The following BTD variants were observed in gnomAD, a reference collection of about 807,000 sequenced individuals.
The protein encoded by BTD is biotinidase, also known as biocytinase.
A neutral mutation model predicts 17.7 loss-of-function variants in BTD; 13 were observed. The observed-to-expected ratio is 0.74, with a 90% CI of 0.48 to 1.17. BTD has a LOEUF of 1.17. Ranked by LOEUF, BTD falls within the 50% of genes most tolerant of loss-of-function variation. The pLI, the probability that BTD is intolerant of heterozygous loss-of-function variation, is 0.00. For synonymous variants in BTD, 240 were observed against 245.2 expected (o/e 0.98, Z 0.20); for missense variants, 674 against 650.4 (o/e 1.04, Z -0.39).
chr3:15,618,512 A>G (rs892756545), intron 1 of BTD, among the ~76,000 whole-genome samples: 1 of 152,134 alleles, frequency 6.6e-6, no homozygotes, highest in African/African-American at 2.4e-5. Flanking sequence ...TATAAATAGT[A>G]TTATGGTTTT....
rs1284719018 is a variant in BTD at position 15,651,444 on chromosome 3, C to G, written c.*5956C>G. On this transcript the variant is annotated 3_prime_UTR_variant, in exon 4 of 4. Coordinates refer to ENST00000643237, the MANE Select transcript of BTD (RefSeq NM_001370658.1). ...TAATGCACTACCCAGCGGCCAGCGACAGCAGGAGCTATGAGCACCCCAGGC... is the reference window on the plus strand; with the variant it reads ...TAATGCACTACCCAGCGGCCAGCGAGAGCAGGAGCTATGAGCACCCCAGGC... 6.6e-6 allele frequency among the ~76,000 whole-genome samples: 1 copy of G among 152,194 alleles called. No individual in the cohort carries two copies. The highest frequency in any genetic ancestry group is 1.5e-5 in the Non-Finnish European group (1 of 68,028).
exon 4 of BTD, chr3:15,711,342 A>G: frequency 2.2e-6 from 3 of 1,350,550 alleles, no homozygotes; most frequent in Non-Finnish European, 3.2e-6. Context: ...GTGTCATGAA[A>G]CATCAAGAAT....
At chr3:15,673,828 G>A (rs1345252220) in intron 3 of BTD, among the ~76,000 whole-genome samples, 2 of 152,068 alleles carry the variant, frequency 1.3e-5, no homozygotes, top group Non-Finnish European at 2.9e-5. Flanking sequence ...AGAGAAAGGA[G>A]AAGAGTAGGA....
chr3:15,601,487 C>G, upstream of BTD: 1 of 1,611,428 alleles, frequency 6.2e-7, no homozygotes, highest in South Asian at 1.1e-5. Context: ...GCTCTAAGCA[C>G]TCACGCAGCC....
chr3:15,683,247 G>A (rs2067729887), intron 3 of BTD, among the ~76,000 whole-genome samples: 1 of 152,080 alleles, frequency 6.6e-6, no homozygotes, highest in Non-Finnish European at 1.5e-5. Flanking sequence ...TTATCTCACT[G>A]ACTTTTTTAC....
rs1575007413 is a variant in BTD, at chr3:15,631,627, G to C, written c.-16-3797G>C. 17 of 753,364 alleles carry C rather than the reference G, an allele frequency of 2.3e-5. No individual in the cohort carries two copies. The East Asian group carries it at 4.6e-4, about 21-fold the overall frequency. 46.7% of individuals were successfully genotyped at this position (753,364 alleles called of 1,614,324 possible). ...GAAAGAACCTTCCTGATCAGGACTG[G>C]TGTTGGGGGAATGTTTTCCTTATGA... On this transcript the variant is annotated intron_variant, in intron 1 of 3. Transcript: ENST00000643237.
intron 3 of BTD, chr3:15,676,308 G>A (rs752641500): frequency 5.4e-5 from 12 of 221,086 alleles, no homozygotes; most frequent in East Asian, 4.8e-4. Context: ...GCATTCCTCC[G>A]TTGTTAAGGA....
At position 15,644,408 on chromosome 3, in the gene BTD, A is replaced by C. The variant is rs1315935512; in HGVS notation, c.492A>C (p.Pro164=). The part of the protein sequence containing the change: ...GTKEPCHSSD[P]RCPKDGRYQF... ...AGGAGCCTTGTCATAGCAGTGACCC[A>C]AGGTGCCCAAAAGATGGGAGATACC... The change falls in exon 4 of 4, where the codon CCA becomes CCC. Residue 164 remains proline (P), a synonymous_variant. Transcript: ENST00000643237. 1 of 1,614,146 alleles carries C rather than the reference A, an allele frequency of 6.2e-7. No individual in the cohort carries two copies. The highest frequency in any genetic ancestry group is 2.2e-5 in the East Asian group (1 of 44,888).
intron 1 of BTD, among the ~76,000 whole-genome samples, chr3:15,608,264 G>A (rs963418076): frequency 6.6e-6 from 1 of 152,164 alleles, no homozygotes; most frequent in African/African-American, 2.4e-5. Context: ...CAGAAGGAAT[G>A]TTGTTCCCTT....
intron 3 of BTD, chr3:15,678,371 T>C (rs373040079): frequency 1.9e-6 from 3 of 1,579,600 alleles, no homozygotes; most frequent in East Asian, 2.2e-5. Flanking sequence ...TAAAGAAAAA[T>C]TGAAATATAT....
At chr3:15,714,274 T>C (rs1299625488), downstream of BTD, among the ~76,000 whole-genome samples, 1 of 152,090 alleles carries the variant, frequency 6.6e-6, no homozygotes. Flanking sequence ...CACACATTAA[T>C]ATATAATACA....
At position 15,635,278 on chromosome 3, in the gene BTD, A is replaced by G. The variant is rs775941555; in HGVS notation, c.-16-146A>G. On this transcript the variant is annotated intron_variant, in intron 1 of 3. Coordinates refer to ENST00000643237, the MANE Select transcript of BTD (RefSeq NM_001370658.1). The surrounding 1 kb of genome is among the most constrained non-coding windows in gnomAD (Gnocchi z 4.1). Reference sequence around the variant, plus strand: ...TTTGGAGAGAAACACATACTCTTTTATTAGGAACATGAAACAAACTCTTTG... The same window carrying G: ...TTTGGAGAGAAACACATACTCTTTTGTTAGGAACATGAAACAAACTCTTTG... The G allele has an allele frequency of 1.8e-5, 22 of 1,238,596 alleles. No homozygotes were observed. Among genetic ancestry groups the G allele is most frequent in the Non-Finnish European group, 2.6e-5 (22 of 856,362 alleles). The allele number at this position is 1,238,596 out of a possible 1,614,324, so 76.7% of individuals were successfully genotyped here.
At chr3:15,602,053 G>C in intron 1 of BTD, 159 bp downstream of exon 1, 4 of 1,464,502 alleles carry the variant, frequency 2.7e-6, no homozygotes, top group Non-Finnish European at 2.7e-6. Flanking sequence ...TTTGTGCGTT[G>C]CTGCTGTGCT....
intron 3 of BTD, among the ~76,000 whole-genome samples, chr3:15,664,357 TTTG>T (rs1305402100): frequency 1.3e-5 from 2 of 152,232 alleles, no homozygotes; most frequent in Non-Finnish European, 2.9e-5. Flanking sequence ...GAGCTCTAGC[TTTG>T]TTTTGTTCCT....
At chr3:15,700,497 C>T (rs542754138) in intron 3 of BTD, among the ~76,000 whole-genome samples, 3 of 151,978 alleles carry the variant, frequency 2.0e-5, no homozygotes, top group South Asian at 4.2e-4. Flanking sequence ...TATATAGGGC[C>T]GGGCGCGGTG....
At chr3:15,643,506 A>G (rs995530623) in intron 3 of BTD, among the ~76,000 whole-genome samples, 9 of 152,184 alleles carry the variant, frequency 5.9e-5, no homozygotes, top group Admixed American at 5.2e-4. Flanking sequence ...GCCTCAAAAA[A>G]AAAAGAAAAA....
At chr3:15,643,969 AATTTATTTATTTATTTATTTATTT>A (rs72529474) in intron 3 of BTD, among the ~76,000 whole-genome samples, 1 of 138,014 alleles carries the variant, frequency 7.2e-6, no homozygotes, top group African/African-American at 2.6e-5. Flanking sequence ...TCATTTATTT[AATTTATTTATTTATTTATTTATTT>A]ATTTATTTAT....
chr3:15,602,753 A>G (rs1353726293), intron 1 of BTD, among the ~76,000 whole-genome samples: 3 of 152,046 alleles, frequency 2.0e-5, no homozygotes, highest in Non-Finnish European at 4.4e-5. Flanking sequence ...TCTTTTCAAA[A>G]GGTCTTCCCC....
intron 3 of BTD, among the ~76,000 whole-genome samples, chr3:15,681,493 G>A (rs1419477782): frequency 6.6e-6 from 1 of 152,134 alleles, no homozygotes; most frequent in East Asian, 1.9e-4. Context: ...CAAATAAAAT[G>A]TTGCTTATTT....
Sources: allele counts gnomAD v4.1 joint callset (sites outside exome capture counted in the v4.1 genomes callset), GRCh38; gene constraint gnomAD v4.1.1; non-coding constraint Gnocchi (gnomAD v3.1); transcripts MANE v1.5; gene names NCBI Gene and HGNC (gene_info 2026-07-23, HGNC 2026-07-21).